Variants in ZNF354B observed in about 807,000 individuals in gnomAD.
ZNF354B encodes the protein zinc finger protein 354B.
A neutral mutation model predicts 12.9 loss-of-function variants in ZNF354B; 10 were observed. The observed-to-expected ratio is 0.77, with a 90% CI of 0.48 to 1.31. The LOEUF (loss-of-function observed/expected upper bound fraction) is 1.31, where lower values mean the gene tolerates loss of function less well. ZNF354B is among the 40% of genes most tolerant of loss of function. The pLI, the probability that ZNF354B is intolerant of heterozygous loss-of-function variation, is 0.00. For missense variants in ZNF354B, 614 were observed against 711.7 expected, an observed-to-expected ratio of 0.86 and a Z score of 1.56; for synonymous variants, 260 against 243.7, an observed-to-expected ratio of 1.07 and a Z score of -0.62.
chr5:178,870,584 T>G (rs1349589294), intron 4 of ZNF354B, among the ~76,000 whole-genome samples: 1 of 152,122 alleles, frequency 6.6e-6, no homozygotes, highest in Non-Finnish European at 1.5e-5. Context: ...CCGGCCTGCT[T>G]TGTTTTCTTA....
chr5:178,871,761 A>G (rs1223454184), intron 4 of ZNF354B, among the ~76,000 whole-genome samples: 1 of 152,140 alleles, frequency 6.6e-6, no homozygotes, highest in Non-Finnish European at 1.5e-5. Flanking sequence ...GATAAACGAG[A>G]TAGGGTTGTC....
At chr5:178,862,854 TC>T in intron 2 of ZNF354B, among the ~76,000 whole-genome samples, 1 of 152,332 alleles carries the variant, frequency 6.6e-6, no homozygotes, top group East Asian at 1.9e-4. Flanking sequence ...GTGGCATCCT[TC>T]CTGTCTGTTC....
chr5:178,883,444 G>T lies in ZNF354B; in HGVS notation c.992G>T (p.Gly331Val). ...AQENPHKYNP[G>V]RKASSYSTSL... Reference sequence around the variant, plus strand: ...GAAAATCCCCATAAATACAATCCAGGCAGGAAGGCATCCAGTTACAGCACT... The same window carrying T: ...GAAAATCCCCATAAATACAATCCAGTCAGGAAGGCATCCAGTTACAGCACT... The change falls in exon 5 of 5, where the codon GGC (glycine) becomes GTC (valine). Residue 331 changes from glycine to valine, a missense_variant. Gly to Val is a moderately radical substitution (Grantham distance 109). Transcript: ENST00000322434. 3 of 1,614,036 alleles carry T rather than the reference G, an allele frequency of 1.9e-6. No homozygotes were observed. The highest frequency in any genetic ancestry group is 2.5e-6 in the Non-Finnish European group (3 of 1,179,952).
At chr5:178,861,149 A>T in intron 2 of ZNF354B, 69 bp downstream of exon 2, 1 of 676,002 alleles carries the variant, frequency 1.5e-6, no homozygotes. Flanking sequence ...TTCACCCGGG[A>T]CCATCTCCAG....
chr5:178,862,334 C>A (rs1321523053), intron 2 of ZNF354B, among the ~76,000 whole-genome samples: 1 of 151,168 alleles, frequency 6.6e-6, no homozygotes, highest in East Asian at 1.9e-4. Flanking sequence ...CCACGCGATA[C>A]CAGAGTGCTT....
At chr5:178,873,873 C>T (rs763732610) in intron 4 of ZNF354B, among the ~76,000 whole-genome samples, 3 of 151,488 alleles carry the variant, frequency 2.0e-5, no homozygotes, top group Non-Finnish European at 4.4e-5. Flanking sequence ...CATGATATGT[C>T]GTTCTATTTA....
chr5:178,862,675 C>T (rs1160945147), intron 2 of ZNF354B, among the ~76,000 whole-genome samples: 1 of 152,206 alleles, frequency 6.6e-6, no homozygotes, highest in Non-Finnish European at 1.5e-5. Flanking sequence ...GCGGCGTTAT[C>T]TTTTAAACTA....
intron 2 of ZNF354B, among the ~76,000 whole-genome samples, chr5:178,862,228 G>A (rs1164989604): frequency 2.0e-5 from 3 of 152,144 alleles, no homozygotes; most frequent in African/African-American, 7.2e-5. Flanking sequence ...GAAAAGTTAA[G>A]TAACCTGAGT....
intron 4 of ZNF354B, among the ~76,000 whole-genome samples, chr5:178,880,526 G>A (rs1757702128): frequency 6.7e-6 from 1 of 149,516 alleles, no homozygotes; most frequent in Admixed American, 6.6e-5. Flanking sequence ...TTTAAAGACA[G>A]GGTCTCTTTG....
intron 4 of ZNF354B, among the ~76,000 whole-genome samples, chr5:178,880,625 C>G (rs1182936518): frequency 1.3e-5 from 2 of 151,554 alleles, no homozygotes; most frequent in African/African-American, 4.9e-5. Flanking sequence ...TTTTATGTAG[C>G]CAGGACTGCA....
chr5:178,869,748 G>A (rs539520762), intron 4 of ZNF354B, among the ~76,000 whole-genome samples: 1 of 152,198 alleles, frequency 6.6e-6, no homozygotes, highest in Admixed American at 6.5e-5. Flanking sequence ...GATTGAGTAA[G>A]AAAGGACGTC....
At position 178,883,725 on chromosome 5, in the gene ZNF354B, C is replaced by T. The variant is rs942443575; in HGVS notation, c.1273C>T (p.Leu425Phe). 1.2e-6 allele frequency: 2 copies of T among 1,613,998 alleles called. No homozygotes were observed. Among genetic ancestry groups the T allele is most frequent in the African/African-American group, 2.7e-5 (2 of 74,932 alleles). ...GAAAGGCTTTACTTCTATTTCACGACTTAATAGACACCGAATAATTCATAC... is the reference window on the plus strand; with the variant it reads ...GAAAGGCTTTACTTCTATTTCACGATTTAATAGACACCGAATAATTCATAC... ...CGKGFTSISR[L>F]NRHRIIHTGE... The change falls in exon 5 of 5, where the codon CTT (leucine) becomes TTT (phenylalanine). Residue 425 changes from leucine to phenylalanine, a missense_variant. Transcript: ENST00000322434.
At position 178,884,266 on chromosome 5, in the gene ZNF354B, C is replaced by T; in HGVS notation, c.1814C>T (p.Ser605Phe). Residue 605 changes from serine (S) to phenylalanine (F), a missense_variant, in exon 5 of 5, where the codon TCC (serine) becomes TTC (phenylalanine). Ser to Phe is a radical substitution (Grantham distance 155, BLOSUM62 -2). Transcript: ENST00000322434. ...NHYKIHIEED[S>F]LKADLHV ...TATAAAATTCACATTGAAGAGGACT[C>T]CTTAAAAGCCGATTTGCATGTGTGA... is the stretch of plus-strand genomic sequence containing the variant. 1 of 1,591,182 alleles carries T rather than the reference C, an allele frequency of 6.3e-7. No individual in the cohort carries two copies. The highest frequency in any genetic ancestry group is 8.6e-7 in the Non-Finnish European group (1 of 1,169,472).
chr5:178,868,695 G>C (rs1356933488), intron 4 of ZNF354B, among the ~76,000 whole-genome samples: 1 of 152,140 alleles, frequency 6.6e-6, no homozygotes, highest in Non-Finnish European at 1.5e-5. Flanking sequence ...GTTTGTGGCC[G>C]GGCACAGTGG....
At position 178,883,827 on chromosome 5, in the gene ZNF354B, A is replaced by G; in HGVS notation, c.1375A>G (p.Ile459Val). Residue 459 changes from isoleucine (I) to valine (V), a missense_variant, in exon 5 of 5, where the codon ATT becomes GTT. Physicochemically the swap from Ile to Val is conservative, Grantham distance 29. Transcript: ENST00000322434. ...SHSTLIIHER[I>V]HTGEKPCKCK... ...CTCAACACTTATTATTCATGAGCGA[A>G]TTCATACTGGAGAAAAACCATGTAA... is the stretch of plus-strand genomic sequence containing the variant. The G allele has an allele frequency of 6.2e-7, 1 of 1,614,174 alleles. No homozygotes were observed. Among genetic ancestry groups the G allele is most frequent in the Non-Finnish European group, 8.5e-7 (1 of 1,180,006 alleles).
intron 2 of ZNF354B, among the ~76,000 whole-genome samples, chr5:178,864,301 A>G (rs1233005672): frequency 6.6e-6 from 1 of 152,158 alleles, no homozygotes; most frequent in Non-Finnish European, 1.5e-5. Flanking sequence ...GACACTTAGC[A>G]TTGTCTTACA....
At position 178,884,361 on chromosome 5, in the gene ZNF354B, A is replaced by G; in HGVS notation, c.*70A>G. ...ATTTATTAAATATAATGAATATGAG[A>G]AAACTCTTAGTTCTCATCAGATACT... is the stretch of plus-strand genomic sequence containing the variant. On this transcript the variant is annotated 3_prime_UTR_variant, in exon 5 of 5. Transcript: ENST00000322434. 1 of 1,469,198 alleles carries G rather than the reference A, an allele frequency of 6.8e-7. No individual in the cohort carries two copies. Among genetic ancestry groups the G allele is most frequent in the Middle Eastern group, 1.8e-4 (1 of 5,424 alleles). 91.0% of individuals were successfully genotyped at this position (1,469,198 alleles called of 1,614,324 possible). A position where few individuals can be genotyped will look rare whatever the true frequency, so the allele number is the denominator to read the frequency against.
At chr5:178,874,006 G>A (rs1757600434) in intron 4 of ZNF354B, among the ~76,000 whole-genome samples, 1 of 150,506 alleles carries the variant, frequency 6.6e-6, no homozygotes, top group African/African-American at 2.5e-5. Context: ...CGGCAGGCTG[G>A]AGTGCAGTGG....
At chr5:178,877,467 T>C (rs1757655164) in intron 4 of ZNF354B, among the ~76,000 whole-genome samples, 1 of 152,032 alleles carries the variant, frequency 6.6e-6, no homozygotes, top group African/African-American at 2.4e-5. Flanking sequence ...CCAGGCCAAA[T>C]GTCCTTATCC....
Sources: gnomAD v4.1 joint callset for allele counts (sites outside exome capture counted in the v4.1 genomes callset) on GRCh38, gnomAD v4.1.1 for gene constraint, MANE v1.5 for transcripts, NCBI Gene and HGNC (gene_info 2026-07-23, HGNC 2026-07-21) for gene names.